Variants in PIGK observed in about 807,000 individuals in gnomAD.
PIGK encodes GPI-anchor transamidase.
Under a neutral mutation model 50.6 loss-of-function variants are expected in PIGK, and 42 were observed. That is an observed-to-expected ratio of 0.83 (90% CI 0.65 to 1.07). The LOEUF (loss-of-function observed/expected upper bound fraction) is 1.07. Among genes scored for constraint, PIGK ranks in the 50% least tolerant of loss-of-function variants. PIGK has a pLI of 0.00. For synonymous variants in PIGK, 151 were observed against 156.0 expected (o/e 0.97, Z 0.24); for missense variants, 448 against 488.7 (o/e 0.92, Z 0.78).
intron 10 of PIGK, among the ~76,000 whole-genome samples, chr1:77,100,171 T>C (rs1489387547): frequency 1.3e-5 from 2 of 152,146 alleles, no homozygotes; most frequent in Non-Finnish European, 2.9e-5. Context: ...TACACATTTA[T>C]TGGGAAGCAA....
chr1:77,167,580 G>A (rs940844761), intron 4 of PIGK, among the ~76,000 whole-genome samples: 2 of 151,036 alleles, frequency 1.3e-5, no homozygotes, highest in Admixed American at 6.6e-5. Context: ...CCCCATCTCT[G>A]GAAAAATAAA....
At chr1:77,097,546 A>G (rs1172896829) in intron 10 of PIGK, among the ~76,000 whole-genome samples, 1 of 151,852 alleles carries the variant, frequency 6.6e-6, no homozygotes, top group Non-Finnish European at 1.5e-5. Context: ...GTTTTCAACT[A>G]TGATTTGGGT....
chr1:77,140,383 T>G (rs1654623420), intron 9 of PIGK, among the ~76,000 whole-genome samples: 1 of 151,658 alleles, frequency 6.6e-6, no homozygotes, highest in Non-Finnish European at 1.5e-5. Context: ...CTCATTCCTA[T>G]TCTCACCATA....
intron 10 of PIGK, among the ~76,000 whole-genome samples, chr1:77,119,253 T>C (rs1437667154): frequency 6.6e-6 from 1 of 152,242 alleles, no homozygotes; most frequent in Non-Finnish European, 1.5e-5. Flanking sequence ...GAATTTACAC[T>C]TATACTTTCA....
At chr1:77,186,761 A>G (rs1553184919) in intron 3 of PIGK, among the ~76,000 whole-genome samples, 1 of 152,100 alleles carries the variant, frequency 6.6e-6, no homozygotes, top group Non-Finnish European at 1.5e-5. Flanking sequence ...AGCAACATGG[A>G]TTTCCACTCA....
intron 10 of PIGK, among the ~76,000 whole-genome samples, chr1:77,114,572 C>T (rs12751439): frequency 0.12 from 17,527 of 151,902 alleles, 1,394 homozygotes; most frequent in African/African-American, 0.22. Flanking sequence ...GATGTAATGA[C>T]AAATTTGTAG....
At chr1:77,131,921 T>C (rs1446488870) in intron 9 of PIGK, among the ~76,000 whole-genome samples, 2 of 152,052 alleles carry the variant, frequency 1.3e-5, no homozygotes, top group East Asian at 1.9e-4. Context: ...AGCTTTTTTA[T>C]TCTGTTCATA....
intron 10 of PIGK, among the ~76,000 whole-genome samples, chr1:77,113,487 G>A (rs559217717): frequency 2.0e-5 from 3 of 152,136 alleles, no homozygotes; most frequent in South Asian, 2.1e-4. Flanking sequence ...CCACTCATAA[G>A]TTAATGCTTA....
At chr1:77,171,730 A>G (rs542594037) in intron 3 of PIGK, among the ~76,000 whole-genome samples, 3 of 152,234 alleles carry the variant, frequency 2.0e-5, no homozygotes, top group African/African-American at 7.2e-5. Context: ...AATGGATTTC[A>G]AACGTTTTGA....
intron 3 of PIGK, among the ~76,000 whole-genome samples, chr1:77,185,106 G>A (rs1160717774): frequency 1.3e-5 from 2 of 152,174 alleles, no homozygotes; most frequent in Non-Finnish European, 2.9e-5. Context: ...ACATCTCCTG[G>A]TACCTGGTAT....
At chr1:77,183,574 A>G (rs1454626451) in intron 3 of PIGK, among the ~76,000 whole-genome samples, 1 of 152,176 alleles carries the variant, frequency 6.6e-6, no homozygotes, top group Non-Finnish European at 1.5e-5. Context: ...TCTAATTTTT[A>G]TAAACAGAAA....
intron 9 of PIGK, among the ~76,000 whole-genome samples, chr1:77,132,959 T>C (rs537061546): frequency 1.6e-4 from 25 of 152,240 alleles, no homozygotes; most frequent in African/African-American, 4.6e-4. Flanking sequence ...TTCTCTATGT[T>C]TTTTCAGCAT....
At chr1:77,161,171 A>G in intron 8 of PIGK, 124 bp downstream of exon 8, 1 of 625,678 alleles carries the variant, frequency 1.6e-6, no homozygotes, top group Non-Finnish European at 2.9e-6. Flanking sequence ...GATATCAAAT[A>G]GTTTTAAAAG....
At chr1:77,156,131 G>GA (rs989041634) in intron 8 of PIGK, among the ~76,000 whole-genome samples, 9 of 150,912 alleles carry the variant, frequency 6.0e-5, no homozygotes, top group Non-Finnish European at 1.2e-4. Context: ...GAAGATTGGA[G>GA]AAAAAAATGA....
intron 3 of PIGK, among the ~76,000 whole-genome samples, chr1:77,202,826 T>A (rs1475455005): frequency 6.6e-6 from 1 of 152,174 alleles, no homozygotes; most frequent in Non-Finnish European, 1.5e-5. Flanking sequence ...TATTTTTAAA[T>A]ACATTATATA....
chr1:77,168,455 A>G (rs1391248113), intron 4 of PIGK, among the ~76,000 whole-genome samples: 1 of 152,092 alleles, frequency 6.6e-6, no homozygotes, highest in Non-Finnish European at 1.5e-5. Flanking sequence ...TGTTTGGCCT[A>G]TATTTTCCTA....
intron 9 of PIGK, among the ~76,000 whole-genome samples, chr1:77,126,385 AG>A (rs141292527): frequency 0.058 from 8,778 of 152,144 alleles, 342 homozygotes; most frequent in Non-Finnish European, 0.084. Context: ...GGGTGAACGG[AG>A]GTAAGCTGAC....
chr1:77,130,119 A>G (rs773646105), intron 9 of PIGK, among the ~76,000 whole-genome samples: 4 of 149,104 alleles, frequency 2.7e-5, no homozygotes, highest in Non-Finnish European at 5.9e-5. Context: ...CTAGACAGAA[A>G]TTCTTTGAAA....
intron 3 of PIGK, 147 bp from the exon 4 acceptor site, chr1:77,169,542 T>A: frequency 1.8e-6 from 1 of 570,906 alleles, no homozygotes; most frequent in Non-Finnish European, 3.0e-6. Context: ...AATTTAATTA[T>A]TTTTTTCATA....
Sources: gnomAD v4.1 joint callset for allele counts (sites outside exome capture counted in the v4.1 genomes callset) on GRCh38, gnomAD v4.1.1 for gene constraint, MANE v1.5 for transcripts, NCBI Gene and HGNC (gene_info 2026-07-23, HGNC 2026-07-21) for gene names.